Variants in SLC14A2 observed in about 807,000 individuals in gnomAD.
SLC14A2 encodes the protein urea transporter 2.
In SLC14A2, 91 loss-of-function variants were observed where a neutral mutation model predicts 104.6. The observed-to-expected ratio is 0.87, with a 90% CI of 0.73 to 1.04. The LOEUF is 1.04. Among genes scored for constraint, SLC14A2 ranks in the 50% least tolerant of loss-of-function variants. SLC14A2 has a pLI of 0.00. For missense variants in SLC14A2, 1,189 were observed against 1,156.0 expected (o/e 1.03, Z -0.41); for synonymous variants, 476 against 466.4 (o/e 1.02, Z -0.27).
At chr18:45,508,662 A>G (rs2043321401) in intron 2 of SLC14A2, among the ~76,000 whole-genome samples, 1 of 152,176 alleles carries the variant, frequency 6.6e-6, no homozygotes, top group Admixed American at 6.5e-5. Context: ...ACTTTCTACA[A>G]GATGTTTCTG....
intron 1 of SLC14A2, among the ~76,000 whole-genome samples, chr18:45,242,027 C>T (rs2084323061): frequency 6.6e-6 from 1 of 152,168 alleles, no homozygotes; most frequent in Non-Finnish European, 1.5e-5. Flanking sequence ...CTAAAAACTT[C>T]TGCATTCTAC....
chr18:45,249,235 T>C (rs1401229608), intron 1 of SLC14A2, among the ~76,000 whole-genome samples: 1 of 152,012 alleles, frequency 6.6e-6, no homozygotes, highest in South Asian at 2.1e-4. Context: ...GATGTTTCCT[T>C]CATTAAAAAC....
intron 2 of SLC14A2, among the ~76,000 whole-genome samples, chr18:45,524,812 G>C (rs1461001152): frequency 1.3e-5 from 2 of 151,916 alleles, no homozygotes; most frequent in Non-Finnish European, 2.9e-5. Context: ...TAAGATAGAG[G>C]CACCATGGCC....
intron 1 of SLC14A2, among the ~76,000 whole-genome samples, chr18:45,446,413 C>T (rs921112847): frequency 1.3e-5 from 2 of 152,130 alleles, no homozygotes; most frequent in Non-Finnish European, 2.9e-5. Context: ...CACATAAGAA[C>T]ACAGTGAGAA....
At chr18:45,405,140 G>C (rs1006817361) in intron 1 of SLC14A2, among the ~76,000 whole-genome samples, 8 of 152,166 alleles carry the variant, frequency 5.3e-5, no homozygotes, top group Non-Finnish European at 1.2e-4. Flanking sequence ...TCTAGACAGA[G>C]TCTGGGAAGT....
intron 10 of SLC14A2, among the ~76,000 whole-genome samples, chr18:45,648,187 A>C (rs1328339814): frequency 7.9e-6 from 1 of 125,924 alleles, no homozygotes; most frequent in Admixed American, 7.8e-5. Context: ...TCTTTATTCT[A>C]GTTAATGCTT....
chr18:45,666,185 C>G lies in SLC14A2; in HGVS notation c.1523C>G (p.Pro508Arg). The G allele has an allele frequency of 6.2e-7, 1 of 1,613,920 alleles. No homozygotes were observed. Among genetic ancestry groups the G allele is most frequent in the Non-Finnish European group, 8.5e-7 (1 of 1,179,836 alleles). Residue 508 changes from proline (P) to arginine (R), a missense_variant, in exon 12 of 20, where the codon CCC (proline) becomes CGC (arginine). By Grantham distance (103) the Pro-to-Arg change is moderately radical. Coordinates refer to ENST00000255226, the MANE Select transcript of SLC14A2 (RefSeq NM_007163.4). Reference sequence around the variant, plus strand: ...GAAAGACAAAACAAAGACCCATTTCCCTATCGATACCGGAAGCCCACAGTC... The same window carrying G: ...GAAAGACAAAACAAAGACCCATTTCGCTATCGATACCGGAAGCCCACAGTC... ...HQERQNKDPFPYRYRKPTVEL... is the reference protein window; with the variant it reads ...HQERQNKDPFRYRYRKPTVEL...
chr18:45,270,591 T>C (rs2084641515), intron 1 of SLC14A2, among the ~76,000 whole-genome samples: 1 of 152,164 alleles, frequency 6.6e-6, no homozygotes, highest in Non-Finnish European at 1.5e-5. Flanking sequence ...AACCCAGTTG[T>C]GCTTAGTTCC....
At chr18:45,363,290 G>C (rs2085632915) in intron 1 of SLC14A2, among the ~76,000 whole-genome samples, 1 of 152,168 alleles carries the variant, frequency 6.6e-6, no homozygotes, top group South Asian at 2.1e-4. Flanking sequence ...ACCCATTCAG[G>C]CCTTCTTTCA....
the SLC14A2 span, among the ~76,000 whole-genome samples, chr18:45,174,066 G>A: frequency 6.6e-6 from 1 of 152,078 alleles, no homozygotes; most frequent in Non-Finnish European, 1.5e-5. Context: ...ATGTTACCAG[G>A]TCAATTTTTG....
chr18:45,581,059 G>A (rs969024768), intron 2 of SLC14A2, among the ~76,000 whole-genome samples: 2 of 152,150 alleles, frequency 1.3e-5, no homozygotes, highest in African/African-American at 2.4e-5. Context: ...GGGGAAGGGA[G>A]GGAATGTGGA....
At chr18:45,553,901 A>T (rs533900759) in intron 2 of SLC14A2, among the ~76,000 whole-genome samples, 1 of 152,364 alleles carries the variant, frequency 6.6e-6, no homozygotes, top group East Asian at 1.9e-4. Flanking sequence ...GTGGAATGAA[A>T]AAAACGCCAT....
chr18:45,384,912 C>T (rs1351280060), intron 1 of SLC14A2, among the ~76,000 whole-genome samples: 3 of 152,226 alleles, frequency 2.0e-5, no homozygotes, highest in Admixed American at 6.5e-5. Context: ...GCAAACCATA[C>T]ACAGCTTTCC....
At chr18:45,548,612 G>GA (rs1364218567) in intron 2 of SLC14A2, among the ~76,000 whole-genome samples, 3 of 152,210 alleles carry the variant, frequency 2.0e-5, no homozygotes, top group African/African-American at 7.2e-5. Flanking sequence ...GCTGATGTGG[G>GA]ATGATTGCTT....
intron 1 of SLC14A2, among the ~76,000 whole-genome samples, chr18:45,309,904 T>C (rs1313717051): frequency 2.9e-5 from 4 of 139,364 alleles, no homozygotes; most frequent in African/African-American, 1.0e-4. Flanking sequence ...ATTCTCCATT[T>C]ATATATATAT....
the SLC14A2 span, among the ~76,000 whole-genome samples, chr18:45,175,586 C>T: frequency 6.6e-6 from 1 of 152,012 alleles, no homozygotes; most frequent in East Asian, 1.9e-4. Flanking sequence ...AAAATAGGAC[C>T]ACAGGCCTAA....
intron 1 of SLC14A2, among the ~76,000 whole-genome samples, chr18:45,350,657 A>G (rs576072487): frequency 2.2e-4 from 33 of 151,966 alleles, no homozygotes; most frequent in African/African-American, 8.0e-4. Context: ...CCACTTTCCT[A>G]TTACTAGGCT....
chr18:45,605,524 CT>C (rs1897783503), intron 2 of SLC14A2, among the ~76,000 whole-genome samples: 1 of 152,140 alleles, frequency 6.6e-6, no homozygotes, highest in Non-Finnish European at 1.5e-5. Context: ...GATCATTATT[CT>C]GATTGCGGTA....
chr18:45,173,763 T>C, the SLC14A2 span, among the ~76,000 whole-genome samples: 1 of 152,140 alleles, frequency 6.6e-6, no homozygotes, highest in African/African-American at 2.4e-5. Context: ...AAATGAAATG[T>C]ATGGCTCTGT....
Sources: gnomAD v4.1 joint callset for allele counts (sites outside exome capture counted in the v4.1 genomes callset) on GRCh38, gnomAD v4.1.1 for gene constraint, MANE v1.5 for transcripts, NCBI Gene and HGNC (gene_info 2026-07-23, HGNC 2026-07-21) for gene names.